Variants in GPC6 observed in about 807,000 individuals in gnomAD.
GPC6 encodes the protein glypican 6, also known as glypican-6.
In GPC6, 14 loss-of-function variants were observed where a neutral mutation model predicts 55.2. That is an observed-to-expected ratio of 0.25 (90% CI 0.17 to 0.40). The LOEUF (loss-of-function observed/expected upper bound fraction) is 0.40, where lower values mean the gene tolerates loss of function less well. Among genes scored for constraint, GPC6 ranks in the 10% least tolerant of loss-of-function variants. The pLI, the probability that GPC6 is intolerant of heterozygous loss-of-function variation, is 1.00. For missense variants in GPC6, 641 were observed against 708.5 expected, an observed-to-expected ratio of 0.90 and a Z score of 1.08; for synonymous variants, 278 against 259.6, an observed-to-expected ratio of 1.07 and a Z score of -0.68.
intron 3 of GPC6, chr13:94,025,408 T>G (rs1030636237): frequency 6.7e-6 from 1 of 149,124 alleles, no homozygotes; most frequent in African/African-American, 2.5e-5. Context: ...TTCTTTTTCC[T>G]GTTTTTTTTT....
intron 6 of GPC6, among the ~76,000 whole-genome samples, chr13:94,348,494 C>T (rs1170052818): frequency 1.3e-5 from 2 of 152,200 alleles, no homozygotes; most frequent in African/African-American, 4.8e-5. Flanking sequence ...CTGCTAGTTT[C>T]CTCGAGTGGG....
At chr13:93,523,012 A>AATAT (rs748650988) in intron 1 of GPC6, among the ~76,000 whole-genome samples, 1 of 46,976 alleles carries the variant, frequency 2.1e-5, no homozygotes, top group East Asian at 2.3e-4. Flanking sequence ...AGAGGGAAAA[A>AATAT]ATATATATAT....
intron 4 of GPC6, among the ~76,000 whole-genome samples, chr13:94,183,381 A>C (rs1336131039): frequency 6.6e-6 from 1 of 152,214 alleles, no homozygotes; most frequent in African/African-American, 2.4e-5. Context: ...AGAATGTATC[A>C]GAACTTCATT....
At chr13:93,252,722 T>C (rs1876828478) in intron 1 of GPC6, among the ~76,000 whole-genome samples, 1 of 152,242 alleles carries the variant, frequency 6.6e-6, no homozygotes, top group South Asian at 2.1e-4. Flanking sequence ...CATATTTTTA[T>C]TCCCTGGAGC....
At chr13:93,797,441 A>G (rs188522810) in intron 2 of GPC6, among the ~76,000 whole-genome samples, 85 of 152,322 alleles carry the variant, frequency 5.6e-4, no homozygotes, top group African/African-American at 1.9e-3. Context: ...TCTCAGCCTC[A>G]ATCTCCTCTT....
chr13:94,121,793 C>T (rs1886641412), intron 4 of GPC6, among the ~76,000 whole-genome samples: 1 of 151,950 alleles, frequency 6.6e-6, no homozygotes, highest in Non-Finnish European at 1.5e-5. Flanking sequence ...GTACATTGCA[C>T]CTCTCCAGGG....
intron 3 of GPC6, among the ~76,000 whole-genome samples, chr13:93,927,341 G>A (rs1877913299): frequency 6.6e-6 from 1 of 152,114 alleles, no homozygotes; most frequent in Non-Finnish European, 1.5e-5. Flanking sequence ...TTTATTCATG[G>A]TCAGGAAGGA....
chr13:93,654,447 C>T (rs1359062518), intron 2 of GPC6, among the ~76,000 whole-genome samples: 2 of 151,846 alleles, frequency 1.3e-5, no homozygotes. Flanking sequence ...CCTGCCTTAG[C>T]CTCCAGAGTA....
chr13:93,945,736 A>G (rs573864111), intron 3 of GPC6, among the ~76,000 whole-genome samples: 134 of 152,316 alleles, frequency 8.8e-4, no homozygotes, highest in African/African-American at 3.1e-3. Flanking sequence ...TCCACTGCCC[A>G]TTTGTATATT....
At chr13:93,254,558 A>G (rs1876891080) in intron 1 of GPC6, among the ~76,000 whole-genome samples, 3 of 152,316 alleles carry the variant, frequency 2.0e-5, no homozygotes, top group South Asian at 4.1e-4. Context: ...GGTGAAAACA[A>G]GTTGGCATTT....
At chr13:94,047,179 A>G (rs763791414) in intron 4 of GPC6, among the ~76,000 whole-genome samples, 2 of 152,104 alleles carry the variant, frequency 1.3e-5, no homozygotes, top group Non-Finnish European at 1.5e-5. Context: ...GGATAATGTT[A>G]AAGGATAGTA....
chr13:93,854,295 C>T (rs1888521687), intron 3 of GPC6, among the ~76,000 whole-genome samples: 1 of 151,660 alleles, frequency 6.6e-6, no homozygotes, highest in East Asian at 2.0e-4. Flanking sequence ...TCTCTGAATC[C>T]GTATTTATTG....
intron 2 of GPC6, among the ~76,000 whole-genome samples, chr13:93,600,949 CAAAAAAAAAAAA>C (rs1196219049): frequency 3.7e-5 from 1 of 27,024 alleles, no homozygotes; most frequent in South Asian, 1.4e-3. Flanking sequence ...AATTCCGCCT[CAAAAAAAAAAAA>C]AAAAAGAAAA....
chr13:93,435,468 T>C (rs957885570), intron 1 of GPC6, among the ~76,000 whole-genome samples: 5 of 152,260 alleles, frequency 3.3e-5, no homozygotes, highest in African/African-American at 1.2e-4. Flanking sequence ...AAATTTTTTT[T>C]TTTTGTTAAT....
At position 94,405,026 on chromosome 13, in the gene GPC6, A is replaced by C. The variant is rs1881310482; in HGVS notation, c.*1809A>C. ...AACTCATCGACAGTATTGACACGTA[A>C]ATGGTATTTTTCAATCTGTTCTCAT... On this transcript the variant is annotated 3_prime_UTR_variant, in exon 9 of 9. Coordinates refer to ENST00000377047, the MANE Select transcript of GPC6 (RefSeq NM_005708.5). The C allele has an allele frequency of 6.6e-6, 1 of 152,214 alleles. No homozygotes were observed. Among genetic ancestry groups the C allele is most frequent in the Admixed American group, 6.5e-5 (1 of 15,288 alleles). The allele number at this position is 152,214 out of a possible 1,614,324, so 9.4% of individuals were successfully genotyped here.
chr13:93,722,359 C>G (rs76087646), intron 2 of GPC6, among the ~76,000 whole-genome samples: 12,010 of 151,766 alleles, frequency 0.079, 712 homozygotes, highest in African/African-American at 0.16. Context: ...CAAACCCAAA[C>G]AAGAGTAATA....
chr13:93,322,682 C>T (rs186242728), intron 1 of GPC6, among the ~76,000 whole-genome samples: 5 of 152,004 alleles, frequency 3.3e-5, no homozygotes, highest in East Asian at 3.9e-4. Flanking sequence ...TCAGGTGATC[C>T]GCCCGCCTCA....
At chr13:94,279,197 C>T (rs1165173760) in intron 4 of GPC6, among the ~76,000 whole-genome samples, 1 of 152,050 alleles carries the variant, frequency 6.6e-6, no homozygotes, top group Non-Finnish European at 1.5e-5. Flanking sequence ...TTATCCATTT[C>T]TTTTATATTT....
intron 4 of GPC6, among the ~76,000 whole-genome samples, chr13:94,267,145 T>C (rs1269419339): frequency 6.6e-6 from 1 of 152,188 alleles, no homozygotes; most frequent in Non-Finnish European, 1.5e-5. Flanking sequence ...TCTTGTGGTC[T>C]AGGTGTATGG....
Sources: allele counts gnomAD v4.1 joint callset (sites outside exome capture counted in the v4.1 genomes callset), GRCh38; gene constraint gnomAD v4.1.1; transcripts MANE v1.5; gene names NCBI Gene and HGNC (gene_info 2026-07-23, HGNC 2026-07-21).